Variants in TXNRD2 observed in about 807,000 individuals in gnomAD.
TXNRD2 encodes the protein thioredoxin reductase 2.
Under a neutral mutation model 70.8 loss-of-function variants are expected in TXNRD2, and 67 were observed. The observed-to-expected ratio is 0.95, with a 90% confidence interval of 0.78 to 1.16. The LOEUF (loss-of-function observed/expected upper bound fraction) is 1.16. Ranked by LOEUF, TXNRD2 falls within the 50% of genes most tolerant of loss-of-function variation. The probability of loss-of-function intolerance (pLI) is 0.00; values close to 1 mark genes in which losing one functional copy is unlikely to be tolerated. For synonymous variants in TXNRD2, 301 were observed against 295.8 expected (o/e 1.02, Z -0.18); for missense variants, 644 against 719.9 (o/e 0.89, Z 1.21).
chr22:19,939,882 A>C (rs560370814), intron 1 of TXNRD2, among the ~76,000 whole-genome samples: 118 of 152,302 alleles, frequency 7.7e-4, no homozygotes, highest in African/African-American at 2.4e-3. Flanking sequence ...CCATATCCTA[A>C]AAATTTTGAG....
chr22:19,929,894 G>A (rs1376735042), intron 2 of TXNRD2, among the ~76,000 whole-genome samples: 1 of 152,134 alleles, frequency 6.6e-6, no homozygotes, highest in Non-Finnish European at 1.5e-5. Flanking sequence ...TCCTCTGCAG[G>A]GAAATGCCAC....
At chr22:19,889,849 G>A (rs778419549) in intron 11 of TXNRD2, among the ~76,000 whole-genome samples, 1 of 152,078 alleles carries the variant, frequency 6.6e-6, no homozygotes, top group Non-Finnish European at 1.5e-5. Flanking sequence ...ATTAGAGGGT[G>A]CATGGTAATA....
At chr22:19,886,075 C>T (rs1366523402) in intron 11 of TXNRD2, among the ~76,000 whole-genome samples, 1 of 152,226 alleles carries the variant, frequency 6.6e-6, no homozygotes, top group Non-Finnish European at 1.5e-5. Flanking sequence ...GGCTGCGCGG[C>T]ACAGACACGC....
chr22:19,898,510 C>CT (rs386394954), intron 9 of TXNRD2, among the ~76,000 whole-genome samples: 6,301 of 94,366 alleles, frequency 0.067, 464 homozygotes, highest in African/African-American at 0.16. Flanking sequence ...CGGCTTGGGG[C>CT]TTTTTTTTTT....
At position 19,936,910 on chromosome 22, in the gene TXNRD2, C is replaced by T. The variant is rs556195008; in HGVS notation, c.103+4791G>A. On this transcript the variant is annotated intron_variant, in intron 1 of 17. Transcript: ENST00000400521. ...AGTAGATTAGAGGCGTGGGCTTATT[C>T]GGTCATGCTGGAACCTCCTAATGCT... 3.3e-5 allele frequency among the ~76,000 whole-genome samples: 5 copies of T among 152,270 alleles called. No homozygotes were observed. In the South Asian group the frequency reaches 8.3e-4, roughly 25 times the overall value.
chr22:19,883,207 T>G, intron 12 of TXNRD2, 118 bp downstream of exon 12: 2 of 1,363,308 alleles, frequency 1.5e-6, no homozygotes, highest in Non-Finnish European at 2.0e-6. Context: ...GCCCAGAGCC[T>G]CTGTCATCAG....
chr22:19,941,353 A>C (rs1045523590), intron 1 of TXNRD2, among the ~76,000 whole-genome samples: 2 of 152,172 alleles, frequency 1.3e-5, no homozygotes, highest in African/African-American at 2.4e-5. Context: ...GAAGTTGGGA[A>C]GTCTGGCCAG....
Position 19,941,743 on chromosome 22 carries a change from C to A in TXNRD2, c.61G>T (p.Ala21Ser). The change falls in exon 1 of 18, where the codon GCC (alanine) becomes TCC (serine). Residue 21 changes from alanine to serine, a missense_variant. Physicochemically the swap from Ala to Ser is moderately conservative, Grantham distance 99. Around this residue, in one of 3 missense-constraint regions of TXNRD2, gnomAD observed 71 missense variants for 53.6 expected, o/e 1.33. Transcript: ENST00000400521. ...LGGRFRWRTQ[A>S]VAGGVRGAAR... is the part of the protein sequence containing the mutation. ...GCGCCCCGCACCCCGCCCGCCACGG[C>A]CTGCGTCCGCCACCGGAAGCGCCCT... The A allele has an allele frequency of 6.7e-7, 1 of 1,497,812 alleles. No individual in the cohort carries two copies. The highest frequency in any genetic ancestry group is 2.1e-5 in the Admixed American group (1 of 47,252). 92.8% of individuals were successfully genotyped at this position (1,497,812 alleles called of 1,614,324 possible).
chr22:19,881,686 C>T (rs890518497), intron 12 of TXNRD2, among the ~76,000 whole-genome samples: 47 of 152,230 alleles, frequency 3.1e-4, no homozygotes, highest in African/African-American at 1.1e-3. Flanking sequence ...GGAGGCTTCC[C>T]GCTGTGCACA....
At chr22:19,899,909 C>A (rs534776217) in intron 8 of TXNRD2, among the ~76,000 whole-genome samples, 57 of 152,196 alleles carry the variant, frequency 3.7e-4, no homozygotes, top group Admixed American at 1.2e-3. Context: ...GAACTCCCAG[C>A]GGGGCAGCTG....
At chr22:19,914,970 CG>C (rs1337513629) in intron 7 of TXNRD2, 2 of 514,424 alleles carry the variant, frequency 3.9e-6, no homozygotes, top group East Asian at 7.1e-5. Context: ...ACAGATCCAG[CG>C]GGGCAGGGGG....
chr22:19,899,826 T>C (rs1384897765), intron 8 of TXNRD2, among the ~76,000 whole-genome samples: 3 of 152,168 alleles, frequency 2.0e-5, no homozygotes, highest in Non-Finnish European at 2.9e-5. Flanking sequence ...CATTCATATA[T>C]ACATATGCAC....
At chr22:19,940,189 G>T (rs947713841) in intron 1 of TXNRD2, among the ~76,000 whole-genome samples, 10 of 138,504 alleles carry the variant, frequency 7.2e-5, no homozygotes, top group African/African-American at 2.7e-4. Flanking sequence ...AGCTTGCAGT[G>T]AGCTGAGATC....
chr22:19,937,663 C>G (rs1371963536), intron 1 of TXNRD2, among the ~76,000 whole-genome samples: 1 of 152,110 alleles, frequency 6.6e-6, no homozygotes, highest in African/African-American at 2.4e-5. Flanking sequence ...TTTCTTGGAG[C>G]CTGCTATAAT....
intron 1 of TXNRD2, among the ~76,000 whole-genome samples, chr22:19,939,533 C>CTTA (rs1182459834): frequency 1.3e-5 from 2 of 152,212 alleles, no homozygotes; most frequent in South Asian, 2.1e-4. Flanking sequence ...TTTTCCTCCA[C>CTTA]TTATTCGACC....
intron 2 of TXNRD2, among the ~76,000 whole-genome samples, chr22:19,925,011 A>C (rs185370338): frequency 6.6e-6 from 1 of 150,920 alleles, no homozygotes; most frequent in Non-Finnish European, 1.5e-5. Context: ...GGGGCCAGGC[A>C]TGGTGGCTCA....
rs767174398 is a variant in TXNRD2 at position 19,932,390 on chromosome 22, G to A, written c.104-1292C>T. 5 of 1,612,560 alleles carry A rather than the reference G, an allele frequency of 3.1e-6. No individual in the cohort carries two copies. The South Asian group carries it at 4.4e-5, about 14-fold the overall frequency. ...TCCATGGTGGCTCACTGCACATAGT[G>A]CCACTCTCAGCCTTTTTAGCCTGCA... On this transcript the variant is annotated intron_variant, in intron 1 of 17. Transcript: ENST00000400521.
At chr22:19,903,112 T>C (rs1939851076) in intron 8 of TXNRD2, 1 of 497,544 alleles carries the variant, frequency 2.0e-6, no homozygotes, top group East Asian at 5.6e-5. Context: ...CCTGGCTGGC[T>C]GCAGCCCCTC....
chr22:19,915,331 C>T (rs181577738), intron 6 of TXNRD2, 55 bp from the exon 7 acceptor site: 3 of 1,573,030 alleles, frequency 1.9e-6, no homozygotes, highest in African/African-American at 1.3e-5. Flanking sequence ...GATCACCCCA[C>T]CGGAGGGCCT....
Sources: gnomAD v4.1 joint callset for allele counts (sites outside exome capture counted in the v4.1 genomes callset) on GRCh38, gnomAD v4.1.1 for gene constraint, gnomAD v4.1.1 regional missense constraint, MANE v1.5 for transcripts, NCBI Gene and HGNC (gene_info 2026-07-23, HGNC 2026-07-21) for gene names.